TTC28: variants seen among roughly 807,000 people sequenced by gnomAD.
TTC28 encodes the protein tetratricopeptide repeat domain 28.
In TTC28, 61 loss-of-function variants were observed where a neutral mutation model predicts 198.0. The observed-to-expected ratio is 0.31, with a 90% CI of 0.25 to 0.38. TTC28 has a LOEUF of 0.38. TTC28 is among the 10% of genes least tolerant of loss of function. TTC28 has a pLI of 1.00. For missense variants in TTC28, 2,678 were observed against 3,164.0 expected (o/e 0.85, Z 3.69); for synonymous variants, 1,171 against 1,297.8 (o/e 0.90, Z 2.10).
chr22:28,049,984 T>C (rs1940022771), intron 12 of TTC28, among the ~76,000 whole-genome samples: 1 of 152,082 alleles, frequency 6.6e-6, no homozygotes, highest in Non-Finnish European at 1.5e-5. Flanking sequence ...TTGAGACACA[T>C]TATTAATGAC....
chr22:28,583,546 C>A (rs917172450), intron 2 of TTC28, among the ~76,000 whole-genome samples: 1 of 152,120 alleles, frequency 6.6e-6, no homozygotes, highest in Non-Finnish European at 1.5e-5. Flanking sequence ...ACATTAAATA[C>A]CCATAATTCC....
chr22:28,598,235 GCA>G (rs2050573999), intron 2 of TTC28, among the ~76,000 whole-genome samples: 1 of 151,410 alleles, frequency 6.6e-6, no homozygotes, highest in East Asian at 2.0e-4. Flanking sequence ...AGCAGGCCGG[GCA>G]CAGTGGCTCA....
chr22:28,632,782 G>A (rs1207409885), intron 1 of TTC28, among the ~76,000 whole-genome samples: 1 of 149,896 alleles, frequency 6.7e-6, no homozygotes, highest in African/African-American at 2.5e-5. Context: ...AAAAAAAAAA[G>A]GAGAAGAAGA....
At chr22:28,184,827 T>C (rs1924043145) in intron 5 of TTC28, among the ~76,000 whole-genome samples, 1 of 152,034 alleles carries the variant, frequency 6.6e-6, no homozygotes, top group African/African-American at 2.4e-5. Flanking sequence ...AAAAAAGAAA[T>C]GATTCATGTA....
At chr22:28,499,334 G>C (rs921786212) in intron 2 of TTC28, among the ~76,000 whole-genome samples, 1 of 152,024 alleles carries the variant, frequency 6.6e-6, no homozygotes, top group Non-Finnish European at 1.5e-5. Context: ...AGTAAACTTT[G>C]CTACTTTAAA....
chr22:28,544,080 G>T (rs1367032252), intron 2 of TTC28, among the ~76,000 whole-genome samples: 7 of 152,104 alleles, frequency 4.6e-5, no homozygotes, highest in Non-Finnish European at 1.5e-5. Flanking sequence ...AATTAGCCAG[G>T]CGTGGTGGCG....
At chr22:28,425,705 G>C (rs1258640529) in intron 2 of TTC28, among the ~76,000 whole-genome samples, 1 of 152,184 alleles carries the variant, frequency 6.6e-6, no homozygotes, top group African/African-American at 2.4e-5. Context: ...GTGAATCTAG[G>C]AGAGCCTCAC....
chr22:28,098,869 C>T (rs746738474), intron 10 of TTC28, 46 bp downstream of exon 10: 16 of 1,541,204 alleles, frequency 1.0e-5, no homozygotes, highest in Middle Eastern at 1.8e-4. Context: ...CGCACCCGTG[C>T]GCACTAGTGC....
chr22:28,581,445 T>C (rs894640614), intron 2 of TTC28, among the ~76,000 whole-genome samples: 1 of 152,208 alleles, frequency 6.6e-6, no homozygotes, highest in Admixed American at 6.5e-5. Flanking sequence ...AGGGATGTAG[T>C]AATGAACTAA....
At chr22:28,055,532 G>A (rs532001259) in intron 12 of TTC28, among the ~76,000 whole-genome samples, 13 of 152,178 alleles carry the variant, frequency 8.5e-5, no homozygotes, top group Middle Eastern at 3.4e-3. Context: ...ATAGACCTCC[G>A]CTTAATGTCT....
At chr22:28,469,416 T>C (rs527839174) in intron 2 of TTC28, among the ~76,000 whole-genome samples, 1 of 152,316 alleles carries the variant, frequency 6.6e-6, no homozygotes, top group South Asian at 2.1e-4. Context: ...ATCTCTGGAA[T>C]CTGTAATGCT....
chr22:28,135,435 G>A (rs1943176805), intron 6 of TTC28, among the ~76,000 whole-genome samples: 1 of 152,224 alleles, frequency 6.6e-6, no homozygotes, highest in East Asian at 1.9e-4. Context: ...TGAATAGGCA[G>A]AGTTGTTGAG....
intron 5 of TTC28, among the ~76,000 whole-genome samples, chr22:28,178,753 A>G (rs1480407914): frequency 6.6e-6 from 1 of 152,226 alleles, no homozygotes; most frequent in Non-Finnish European, 1.5e-5. Context: ...GATCATTATA[A>G]TAAACCTTTT....
chr22:28,113,716 T>TTG (rs527299041), intron 6 of TTC28, among the ~76,000 whole-genome samples: 2 of 152,132 alleles, frequency 1.3e-5, no homozygotes, highest in South Asian at 2.1e-4. Flanking sequence ...GCTTTAAAAA[T>TTG]TGTGTGTGTG....
At chr22:28,654,956 T>C (rs565014338) in intron 1 of TTC28, among the ~76,000 whole-genome samples, 6 of 152,356 alleles carry the variant, frequency 3.9e-5, no homozygotes, top group South Asian at 2.1e-4. Context: ...TCTATATTCA[T>C]TAATGAATAC....
chr22:28,249,103 C>T (rs1010513951), intron 5 of TTC28, among the ~76,000 whole-genome samples: 20 of 152,062 alleles, frequency 1.3e-4, no homozygotes, highest in Middle Eastern at 3.4e-3. Context: ...GAAGACAAAG[C>T]GAGTACCATA....
At position 27,980,439 on chromosome 22, in the gene TTC28, A is replaced by G. The variant is rs528927605; in HGVS notation, c.*1782T>C. On this transcript the variant is annotated 3_prime_UTR_variant, in exon 23 of 23. Transcript: ENST00000397906. Reference sequence around the variant, plus strand: ...GCTGTTGGTTAAATTAAAAACCCCTAGGATGGAGCTCAGGAGAACACAGAT... The same window carrying G: ...GCTGTTGGTTAAATTAAAAACCCCTGGGATGGAGCTCAGGAGAACACAGAT... 1.3e-5 allele frequency: 2 copies of G among 152,340 alleles called. No homozygotes were observed. The highest frequency in any genetic ancestry group is 4.8e-5 in the African/African-American group (2 of 41,546). 9.4% of individuals were successfully genotyped at this position (152,340 alleles called of 1,614,324 possible).
At chr22:28,164,005 C>A (rs946442658) in intron 5 of TTC28, among the ~76,000 whole-genome samples, 2 of 152,230 alleles carry the variant, frequency 1.3e-5, no homozygotes, top group Non-Finnish European at 2.9e-5. Flanking sequence ...ATATCCCGCA[C>A]CTGGCTCAGA....
At chr22:28,353,414 T>A (rs777829634) in intron 2 of TTC28, among the ~76,000 whole-genome samples, 70 of 152,196 alleles carry the variant, frequency 4.6e-4, no homozygotes, top group Non-Finnish European at 8.4e-4. Context: ...AAGTGCAAAG[T>A]TGGAGTACTC....
Sources: gnomAD v4.1 joint callset for allele counts (sites outside exome capture counted in the v4.1 genomes callset) on GRCh38, gnomAD v4.1.1 for gene constraint, MANE v1.5 for transcripts, NCBI Gene and HGNC (gene_info 2026-07-23, HGNC 2026-07-21) for gene names.